STAG1: variants seen among roughly 807,000 people sequenced by gnomAD.
The protein encoded by STAG1 is cohesin subunit SA-1.
Under a neutral mutation model 170.9 loss-of-function variants are expected in STAG1, and 26 were observed. That is an observed-to-expected ratio of 0.15 (90% CI 0.11 to 0.21). The LOEUF is 0.21. Among genes scored for constraint, STAG1 ranks in the 10% least tolerant of loss-of-function variants. STAG1 has a pLI of 1.00. For synonymous variants in STAG1, 514 were observed against 497.7 expected (o/e 1.03, Z -0.44); for missense variants, 964 against 1,509.5 (o/e 0.64, Z 5.99).
intron 1 of STAG1, among the ~76,000 whole-genome samples, chr3:136,713,445 T>C (rs1025873818): frequency 6.6e-6 from 1 of 151,638 alleles, no homozygotes; most frequent in Non-Finnish European, 1.5e-5. Flanking sequence ...TAGCCGGGCG[T>C]GGTGGTGCAT....
chr3:136,462,412 T>G (rs926778528), intron 13 of STAG1, among the ~76,000 whole-genome samples: 10 of 152,132 alleles, frequency 6.6e-5, no homozygotes, highest in Non-Finnish European at 1.3e-4. Context: ...TAGATGACAT[T>G]ATGTTAAGTG....
intron 1 of STAG1, among the ~76,000 whole-genome samples, chr3:136,719,710 G>C (rs1004622451): frequency 6.7e-6 from 1 of 150,052 alleles, no homozygotes; most frequent in Non-Finnish European, 1.5e-5. Flanking sequence ...TGGATGGATC[G>C]ATCTCAAAAA....
intron 5 of STAG1, among the ~76,000 whole-genome samples, chr3:136,561,009 T>C (rs1464869918): frequency 1.3e-5 from 2 of 152,178 alleles, no homozygotes; most frequent in Non-Finnish European, 2.9e-5. Context: ...AAACACTCTT[T>C]TGGTCCTTGG....
intron 9 of STAG1, among the ~76,000 whole-genome samples, chr3:136,489,789 C>A (rs2090087522): frequency 2.0e-5 from 3 of 152,102 alleles, no homozygotes; most frequent in Admixed American, 2.0e-4. Context: ...AGAATAGAGA[C>A]CCTAACTTAC....
At chr3:136,551,245 GA>G (rs1450888394) in intron 5 of STAG1, among the ~76,000 whole-genome samples, 6 of 146,978 alleles carry the variant, frequency 4.1e-5, no homozygotes, top group Non-Finnish European at 9.0e-5. Context: ...GAGAGAGAGA[GA>G]GAGAGAGAGA....
At chr3:136,680,497 T>C (rs1259293609) in intron 1 of STAG1, among the ~76,000 whole-genome samples, 1 of 152,016 alleles carries the variant, frequency 6.6e-6, no homozygotes, top group East Asian at 1.9e-4. Flanking sequence ...CGTAATACTA[T>C]TTACAAGAAT....
At chr3:136,394,113 G>C (rs563506459) in intron 22 of STAG1, among the ~76,000 whole-genome samples, 11 of 152,216 alleles carry the variant, frequency 7.2e-5, no homozygotes, top group Admixed American at 3.3e-4. Context: ...TCGCCATGTT[G>C]GTTAGGATAA....
intron 1 of STAG1, among the ~76,000 whole-genome samples, chr3:136,704,472 G>T (rs1363362232): frequency 1.3e-5 from 2 of 152,072 alleles, no homozygotes; most frequent in African/African-American, 4.8e-5. Flanking sequence ...GTAACCAAAA[G>T]AGAGGAAGGG....
chr3:136,533,557 G>C (rs957899212), intron 6 of STAG1, among the ~76,000 whole-genome samples: 2 of 152,158 alleles, frequency 1.3e-5, no homozygotes, highest in African/African-American at 4.8e-5. Context: ...AGGTGAGCCA[G>C]TGAATCACAT....
chr3:136,488,817 T>A lies in STAG1; in HGVS notation c.903-11405A>T, dbSNP rs758929583. On this transcript the variant is annotated intron_variant, in intron 9 of 33. Transcript: ENST00000383202. ...ATATCCCTGATTTGATTACAACATA[T>A]CTTTTGATATAAACATATTTCCTCA... 2.5e-4 allele frequency among the ~76,000 whole-genome samples: 38 copies of A among 152,224 alleles called. 1 individual carries two copies. The highest frequency in any genetic ancestry group is 4.4e-4 in the Non-Finnish European group (30 of 68,044).
chr3:136,738,678 C>T (rs1315712202), intron 1 of STAG1, among the ~76,000 whole-genome samples: 1 of 152,094 alleles, frequency 6.6e-6, no homozygotes, highest in Non-Finnish European at 1.5e-5. Context: ...AAAAAGTATA[C>T]AAATTTTCAT....
intron 1 of STAG1, among the ~76,000 whole-genome samples, chr3:136,649,499 G>GAAAAA (rs1941142285): frequency 6.3e-5 from 1 of 15,990 alleles, no homozygotes; most frequent in Non-Finnish European, 1.3e-4. Flanking sequence ...AACAAAAACA[G>GAAAAA]AAACAAAAAA....
At chr3:136,435,464 T>A (rs2088432305) in intron 15 of STAG1, among the ~76,000 whole-genome samples, 1 of 152,146 alleles carries the variant, frequency 6.6e-6, no homozygotes, top group East Asian at 1.9e-4. Context: ...GAATTCTACA[T>A]AAACTTTAAA....
chr3:136,421,019 T>C (rs1327516453), intron 20 of STAG1, 74 bp downstream of exon 20: 1 of 854,984 alleles, frequency 1.2e-6, no homozygotes, highest in Admixed American at 2.6e-5. Flanking sequence ...AATCTGCCCA[T>C]CTCGGCCTCT....
chr3:136,513,267 G>A (rs935108026), intron 7 of STAG1, among the ~76,000 whole-genome samples: 3 of 151,918 alleles, frequency 2.0e-5, no homozygotes, highest in African/African-American at 7.3e-5. Flanking sequence ...AGGTCGGAGA[G>A]TATCCCTTGA....
chr3:136,470,322 A>G (rs1002131946), intron 12 of STAG1, among the ~76,000 whole-genome samples: 3 of 152,214 alleles, frequency 2.0e-5, no homozygotes, highest in Non-Finnish European at 4.4e-5. Context: ...AAAAGTGGGC[A>G]AAGGATATGA....
At chr3:136,629,247 CAT>C (rs1033342056) in intron 2 of STAG1, among the ~76,000 whole-genome samples, 7 of 152,072 alleles carry the variant, frequency 4.6e-5, no homozygotes, top group Admixed American at 1.3e-4. Context: ...AGCAGCAGGA[CAT>C]ACAAAAATAA....
chr3:136,734,429 TGAAGA>T (rs925119861), intron 1 of STAG1, among the ~76,000 whole-genome samples: 3 of 152,182 alleles, frequency 2.0e-5, no homozygotes, highest in African/African-American at 7.2e-5. Context: ...TTAACAATTA[TGAAGA>T]GAAATCTTGC....
intron 9 of STAG1, among the ~76,000 whole-genome samples, chr3:136,491,311 T>G (rs1368310992): frequency 1.3e-5 from 2 of 152,112 alleles, no homozygotes; most frequent in Admixed American, 6.6e-5. Context: ...AACTTCTTTT[T>G]AAAGGACTGG....
Sources: allele counts gnomAD v4.1 joint callset (sites outside exome capture counted in the v4.1 genomes callset), GRCh38; gene constraint gnomAD v4.1.1; transcripts MANE v1.5; gene names NCBI Gene and HGNC (gene_info 2026-07-23, HGNC 2026-07-21).